Variants in MTHFD1L observed in about 807,000 individuals in gnomAD.
The protein encoded by MTHFD1L is methylenetetrahydrofolate dehydrogenase (NADP+ dependent) 1 like, also known as monofunctional C1-tetrahydrofolate synthase, mitochondrial.
MTHFD1L carries 81 observed loss-of-function variants against 119.5 expected under a neutral mutation model. The ratio of observed to expected loss-of-function variants is 0.68; its 90% CI spans 0.57 to 0.82. The LOEUF (loss-of-function observed/expected upper bound fraction) is 0.82. Among genes scored for constraint, MTHFD1L ranks in the 40% least tolerant of loss-of-function variants. The pLI is 0.00. For missense variants in MTHFD1L, 1,125 were observed against 1,253.4 expected (o/e 0.90, Z 1.55); for synonymous variants, 430 against 475.2 (o/e 0.90, Z 1.24).
chr6:150,955,867 C>G, intron 16 of MTHFD1L, 128 bp from the exon 17 acceptor site: 1 of 721,530 alleles, frequency 1.4e-6, no homozygotes, highest in South Asian at 1.7e-5. Context: ...ACTAGATGGT[C>G]AGCTTGGGGG....
At chr6:151,089,922 A>G (rs1428390527) in intron 26 of MTHFD1L, among the ~76,000 whole-genome samples, 2 of 152,204 alleles carry the variant, frequency 1.3e-5, no homozygotes, top group Admixed American at 6.5e-5. Flanking sequence ...CCCACCTACA[A>G]GCAGGTCTTA....
chr6:151,031,498 G>C (rs1785334168), intron 24 of MTHFD1L, among the ~76,000 whole-genome samples: 1 of 152,234 alleles, frequency 6.6e-6, no homozygotes, highest in African/African-American at 2.4e-5. Context: ...TGTGCCTAAG[G>C]TTCATCCATG....
intron 20 of MTHFD1L, among the ~76,000 whole-genome samples, chr6:150,980,933 C>T (rs1479797970): frequency 2.6e-5 from 4 of 152,082 alleles, no homozygotes; most frequent in South Asian, 2.1e-4. Context: ...TTTCTCTGCT[C>T]GTGACCATTA....
At chr6:151,051,398 G>T (rs1178930195) in intron 26 of MTHFD1L, among the ~76,000 whole-genome samples, 1 of 152,100 alleles carries the variant, frequency 6.6e-6, no homozygotes, top group African/African-American at 2.4e-5. Context: ...AGCAAAGGTC[G>T]CACACCTTCC....
At chr6:151,034,728 G>C in intron 25 of MTHFD1L, 128 bp downstream of exon 25, 1 of 677,452 alleles carries the variant, frequency 1.5e-6, no homozygotes, top group Non-Finnish European at 2.6e-6. Context: ...GGTTAACAAA[G>C]ATGAAGGTAA....
intron 20 of MTHFD1L, among the ~76,000 whole-genome samples, chr6:150,988,603 TTTG>T (rs1778626323): frequency 8.4e-6 from 1 of 118,390 alleles, no homozygotes. Context: ...GCTTTCTTTT[TTTG>T]TGGGGGGGGC....
At chr6:151,002,502 ACAGCTGCCGCCGCC>A (rs1483576881) in intron 20 of MTHFD1L, among the ~76,000 whole-genome samples, 1 of 152,180 alleles carries the variant, frequency 6.6e-6, no homozygotes, top group Non-Finnish European at 1.5e-5. Context: ...GGTAAGGCGG[ACAGCTGCCGCCGCC>A]CATGCTGCCC....
At chr6:151,025,076 C>T (rs1007602895) in intron 24 of MTHFD1L, among the ~76,000 whole-genome samples, 3 of 152,228 alleles carry the variant, frequency 2.0e-5, no homozygotes, top group African/African-American at 7.2e-5. Flanking sequence ...CTTACTATTT[C>T]ATGTGGAGAA....
intron 7 of MTHFD1L, among the ~76,000 whole-genome samples, chr6:150,902,177 C>T (rs1010367206): frequency 1.3e-5 from 2 of 152,176 alleles, no homozygotes; most frequent in African/African-American, 2.4e-5. Flanking sequence ...TTCCAAATCT[C>T]ATCTGTCCTC....
At chr6:151,031,074 A>G (rs1295002027) in intron 24 of MTHFD1L, among the ~76,000 whole-genome samples, 1 of 152,204 alleles carries the variant, frequency 6.6e-6, no homozygotes, top group African/African-American at 2.4e-5. Flanking sequence ...CCCAGCCTCA[A>G]CTTTGTACTC....
At chr6:150,905,507 T>G in intron 7 of MTHFD1L, 143 bp from the exon 8 acceptor site, 1 of 627,830 alleles carries the variant, frequency 1.6e-6, no homozygotes, top group Non-Finnish European at 2.9e-6. Flanking sequence ...TTGAAAGGAA[T>G]TAGTAAAGCG....
chr6:151,063,067 G>A (rs556694975), intron 26 of MTHFD1L, among the ~76,000 whole-genome samples: 7 of 152,142 alleles, frequency 4.6e-5, no homozygotes, highest in East Asian at 1.9e-4. Flanking sequence ...GATCCACTTC[G>A]CTCAGCACAT....
intron 8 of MTHFD1L, among the ~76,000 whole-genome samples, chr6:150,914,805 T>C (rs749441388): frequency 1.3e-5 from 2 of 152,210 alleles, no homozygotes; most frequent in Non-Finnish European, 2.9e-5. Context: ...TTTGGGCTTA[T>C]CCAGGGTCCA....
At chr6:150,937,617 T>C (rs1319497544) in intron 12 of MTHFD1L, among the ~76,000 whole-genome samples, 1 of 152,084 alleles carries the variant, frequency 6.6e-6, no homozygotes, top group Non-Finnish European at 1.5e-5. Context: ...ACGCACAGAG[T>C]GTCATGCATC....
rs539594245 is a variant in MTHFD1L, at chr6:150,993,563, C to T, written c.2126-16256C>T. Among the ~76,000 whole-genome samples, 9 of 152,248 alleles carry T rather than the reference C, an allele frequency of 5.9e-5. No individual in the cohort carries two copies. In the South Asian group the frequency reaches 1.7e-3, roughly 28 times the overall value. The stretch of plus-strand genomic sequence containing the variant: ...CTGGCCTTAAGTGATCCTCCTGCCT[C>T]GGCCTCCTTAAGGGCTGGGATTACA... On this transcript the variant is annotated intron_variant, in intron 20 of 27. Coordinates refer to ENST00000367321, the MANE Select transcript of MTHFD1L (RefSeq NM_015440.5).
At chr6:150,895,281 G>A (rs1411105404) in intron 7 of MTHFD1L, among the ~76,000 whole-genome samples, 1 of 152,188 alleles carries the variant, frequency 6.6e-6, no homozygotes, top group Non-Finnish European at 1.5e-5. Flanking sequence ...TTTGCATTTG[G>A]TGTTTACAAG....
intron 20 of MTHFD1L, among the ~76,000 whole-genome samples, chr6:150,993,462 C>A (rs1779327808): frequency 6.6e-6 from 1 of 151,978 alleles, no homozygotes; most frequent in South Asian, 2.1e-4. Context: ...CAGGCACACA[C>A]CACCACGTCC....
chr6:150,927,293 G>A (rs550195635), intron 11 of MTHFD1L, among the ~76,000 whole-genome samples: 3 of 152,052 alleles, frequency 2.0e-5, no homozygotes, highest in East Asian at 1.9e-4. Flanking sequence ...CTGTTTTGAC[G>A]CTGATAGAGT....
intron 11 of MTHFD1L, among the ~76,000 whole-genome samples, chr6:150,934,536 C>T (rs1005929604): frequency 2.0e-5 from 3 of 152,166 alleles, no homozygotes; most frequent in Admixed American, 6.5e-5. Flanking sequence ...TTGTCCCCAG[C>T]GTCTAGCTCA....
Sources: allele counts gnomAD v4.1 joint callset (sites outside exome capture counted in the v4.1 genomes callset), GRCh38; gene constraint gnomAD v4.1.1; transcripts MANE v1.5; gene names NCBI Gene and HGNC (gene_info 2026-07-23, HGNC 2026-07-21).